RABGEF1: variants seen among roughly 807,000 people sequenced by gnomAD.
The protein encoded by RABGEF1 is RAB guanine nucleotide exchange factor 1, also known as rab5 GDP/GTP exchange factor.
A neutral mutation model predicts 57.3 loss-of-function variants in RABGEF1; 26 were observed. The observed-to-expected ratio is 0.45, with a 90% CI of 0.33 to 0.63. RABGEF1 has a LOEUF of 0.63. Ranked by LOEUF, RABGEF1 falls within the 20% of genes least tolerant of loss-of-function variation. RABGEF1 has a pLI of 0.02. For synonymous variants in RABGEF1, 185 were observed against 210.7 expected, an observed-to-expected ratio of 0.88 and a Z score of 1.06; for missense variants, 464 against 607.6, an observed-to-expected ratio of 0.76 and a Z score of 2.48.
chr7:66,706,884 C>A (rs368365238), intron 1 of RABGEF1, among the ~76,000 whole-genome samples: 1 of 150,968 alleles, frequency 6.6e-6, no homozygotes, highest in East Asian at 2.0e-4. Flanking sequence ...CGGGTTCACG[C>A]CATTCTCCTG....
chr7:66,746,513 A>C (rs1800260839), intron 1 of RABGEF1, among the ~76,000 whole-genome samples: 1 of 149,280 alleles, frequency 6.7e-6, no homozygotes, highest in Non-Finnish European at 1.5e-5. Flanking sequence ...CTGATCTCGA[A>C]CTCCTGACCT....
At chr7:66,709,976 G>T (rs10278343) in intron 1 of RABGEF1, among the ~76,000 whole-genome samples, 18,277 of 152,200 alleles carry the variant, frequency 0.12, 1,286 homozygotes, top group East Asian at 0.2. Context: ...AAGTTGTTTA[G>T]TGGAGAAAAT....
At chr7:66,760,721 C>T (rs902458861) in intron 1 of RABGEF1, among the ~76,000 whole-genome samples, 2 of 152,238 alleles carry the variant, frequency 1.3e-5, no homozygotes, top group Non-Finnish European at 2.9e-5. Context: ...GGATTACAGG[C>T]ATGAGCCACC....
chr7:66,721,567 C>G (rs752935034), intron 2 of RABGEF1, among the ~76,000 whole-genome samples: 1 of 152,156 alleles, frequency 6.6e-6, no homozygotes, highest in Non-Finnish European at 1.5e-5. Flanking sequence ...TCTCTGCTTC[C>G]ATTATCACAT....
intron 1 of RABGEF1, among the ~76,000 whole-genome samples, chr7:66,703,334 C>G (rs1160709799): frequency 6.6e-6 from 1 of 152,092 alleles, no homozygotes; most frequent in Non-Finnish European, 1.5e-5. Context: ...GTTGCTTGTA[C>G]TTTTGGTATC....
chr7:66,757,763 C>A (rs1803129564), intron 1 of RABGEF1, among the ~76,000 whole-genome samples: 1 of 152,182 alleles, frequency 6.6e-6, no homozygotes, highest in South Asian at 2.1e-4. Context: ...AGGCGCCTGC[C>A]ACCATGCCCG....
chr7:66,658,852 C>T, the RABGEF1 span, among the ~76,000 whole-genome samples: 802 of 152,194 alleles, frequency 5.3e-3, 5 homozygotes, highest in Non-Finnish European at 9.0e-3. Flanking sequence ...TCTCCTGCCT[C>T]AGCCTCCCGA....
chr7:66,695,952 C>T (rs145496572), intron 1 of RABGEF1, among the ~76,000 whole-genome samples: 4 of 141,806 alleles, frequency 2.8e-5, no homozygotes, highest in East Asian at 2.2e-4. Context: ...GGTAACAAAG[C>T]GAGACTGTCT....
At chr7:66,753,780 C>T (rs1264793251) in intron 1 of RABGEF1, among the ~76,000 whole-genome samples, 2 of 138,842 alleles carry the variant, frequency 1.4e-5, no homozygotes, top group African/African-American at 2.7e-5. Flanking sequence ...GATCTTGGCT[C>T]GCTGCAACCT....
At chr7:66,728,078 G>A (rs867105933) in intron 2 of RABGEF1, among the ~76,000 whole-genome samples, 4 of 152,176 alleles carry the variant, frequency 2.6e-5, no homozygotes, top group Admixed American at 6.5e-5. Flanking sequence ...CCCTGCCTCC[G>A]CTCCTCATCA....
intron 2 of RABGEF1, among the ~76,000 whole-genome samples, chr7:66,732,388 G>A (rs534396429): frequency 6.6e-6 from 1 of 152,334 alleles, no homozygotes; most frequent in African/African-American, 2.4e-5. Flanking sequence ...CACCCACCAA[G>A]AGGTGAGGAG....
chr7:66,777,834 G>A (rs1465987213), intron 3 of RABGEF1, among the ~76,000 whole-genome samples: 5 of 152,072 alleles, frequency 3.3e-5, no homozygotes, highest in African/African-American at 1.2e-4. Flanking sequence ...GGTGAATTTT[G>A]TTTTAAAAAT....
At chr7:66,718,390 G>T (rs1795638062) in intron 2 of RABGEF1, among the ~76,000 whole-genome samples, 1 of 151,998 alleles carries the variant, frequency 6.6e-6, no homozygotes, top group African/African-American at 2.4e-5. Flanking sequence ...TTAAAATCCT[G>T]GTTTGGTAAT....
rs569022279 is a variant in RABGEF1, at chr7:66,685,248, G to A, written c.-873+2990G>A. Among the ~76,000 whole-genome samples the A allele has an allele frequency of 1.4e-3, 217 of 150,122 alleles. 1 individual carries two copies. The highest frequency in any genetic ancestry group is 2.2e-3 in the Non-Finnish European group (148 of 67,746). On this transcript the variant is annotated intron_variant and NMD_transcript_variant, in intron 1 of 9. Transcript: ENST00000607882. ...TGGCCACTACAACCTCCACCTCCTG[G>A]GTTCAAGTGATTCGCCTGCCTCAGC...
At chr7:66,771,783 C>A in intron 1 of RABGEF1, 100 bp from the exon 2 acceptor site, 1 of 836,470 alleles carries the variant, frequency 1.2e-6, no homozygotes, top group Non-Finnish European at 1.7e-6. Context: ...CTCTTAACAG[C>A]TTGAAGATAA....
Position 66,685,674 on chromosome 7 carries a change from A to C in RABGEF1, c.-873+3416A>C, listed in dbSNP as rs79440126. ...GTATTTAACTGATTTGATAAGAATAAATTCATTGATTTCTTTGATTTTTGT... is the reference window on the plus strand; with the variant it reads ...GTATTTAACTGATTTGATAAGAATACATTCATTGATTTCTTTGATTTTTGT... On this transcript the variant is annotated intron_variant and NMD_transcript_variant, in intron 1 of 9. Transcript: ENST00000607882. Among the ~76,000 whole-genome samples, 344 of 152,310 alleles carry C rather than the reference A, an allele frequency of 2.3e-3. 2 individuals carry two copies. The highest frequency in any genetic ancestry group is 8.1e-3 in the African/African-American group (336 of 41,558).
intron 1 of RABGEF1, among the ~76,000 whole-genome samples, chr7:66,744,919 A>T (rs1363378407): frequency 1.3e-5 from 2 of 151,544 alleles, no homozygotes; most frequent in African/African-American, 4.9e-5. Flanking sequence ...TCAGCCGCAC[A>T]CGGTGGCTCA....
intron 7 of RABGEF1, among the ~76,000 whole-genome samples, chr7:66,803,958 T>A (rs535243007): frequency 6.6e-6 from 1 of 152,238 alleles, no homozygotes; most frequent in Non-Finnish European, 1.5e-5. Context: ...AGATTAAGTT[T>A]ATTCCCTTGC....
intron 3 of RABGEF1, among the ~76,000 whole-genome samples, chr7:66,780,758 C>T (rs1478599791): frequency 1.3e-5 from 2 of 152,132 alleles, no homozygotes; most frequent in African/African-American, 4.8e-5. Flanking sequence ...TGTGACTTCT[C>T]GAAGAATGAA....
Sources: gnomAD v4.1 joint callset for allele counts (sites outside exome capture counted in the v4.1 genomes callset) on GRCh38, gnomAD v4.1.1 for gene constraint, MANE v1.5 for transcripts, NCBI Gene and HGNC (gene_info 2026-07-23, HGNC 2026-07-21) for gene names.